Variants in ASIC2 observed in about 807,000 individuals in gnomAD.
ASIC2 encodes acid sensing ion channel subunit 2.
A neutral mutation model predicts 57.3 loss-of-function variants in ASIC2; 25 were observed. The observed-to-expected ratio is 0.44, with a 90% CI of 0.32 to 0.61. The LOEUF is 0.61. Among genes scored for constraint, ASIC2 ranks in the 20% least tolerant of loss-of-function variants. The probability of loss-of-function intolerance (pLI) is 0.06; values close to 1 mark genes in which losing one functional copy is unlikely to be tolerated. For synonymous variants in ASIC2, 319 were observed against 307.5 expected (o/e 1.04, Z -0.39); for missense variants, 641 against 738.1 (o/e 0.87, Z 1.52).
At chr17:33,420,316 G>A (rs941262263) in intron 1 of ASIC2, among the ~76,000 whole-genome samples, 12 of 152,232 alleles carry the variant, frequency 7.9e-5, no homozygotes, top group African/African-American at 2.9e-4. Context: ...TGTGCATGCA[G>A]TTATTCTACA....
rs1021395264 is a variant in ASIC2 at position 33,416,894 on chromosome 17, T to A, written c.556-304827A>T. On this transcript the variant is annotated intron_variant, in intron 1 of 9. Coordinates refer to the ASIC2 transcript ENST00000359872. The stretch of plus-strand genomic sequence containing the variant: ...CTCTGTAGAGGCTGGAGATGAAATA[T>A]TTATTTGGGATCTCACCAATATGCC... Among the ~76,000 whole-genome samples the A allele has an allele frequency of 2.0e-5, 3 of 152,270 alleles. No individual in the cohort carries two copies. The South Asian group carries it at 6.2e-4, about 32-fold the overall frequency.
chr17:33,322,556 GATTCATTCATTC>G lies in ASIC2; in HGVS notation c.556-210501_556-210490del, dbSNP rs140918105. Among the ~76,000 whole-genome samples, 12 of 152,220 alleles carry G rather than the reference GATTCATTCATTC, an allele frequency of 7.9e-5. No individual in the cohort carries two copies. The South Asian group carries it at 1.0e-3, about 13-fold the overall frequency. On this transcript the variant is annotated intron_variant, in intron 1 of 9. Transcript: ENST00000359872. Reference sequence around the variant, plus strand: ...CAATAAACTTAACAACCAGTAGAAAGATTCATTCATTCATTCATTCATTCATCCATAATTTTC... The same window carrying G: ...CAATAAACTTAACAACCAGTAGAAAGATTCATTCATTCATCCATAATTTTC...
rs912529543 is a variant in ASIC2 at position 34,072,601 on chromosome 17, C to T, written c.555+83377G>A. On this transcript the variant is annotated intron_variant, in intron 1 of 9. Coordinates refer to the ASIC2 transcript ENST00000359872. ...AATGAAAGTCACCCATAACCCTCTA[C>T]CTAGAGATGAATAAAAGTTGTGTAT... Among the ~76,000 whole-genome samples the T allele has an allele frequency of 2.0e-5, 3 of 152,160 alleles. 1 individual carries two copies. The highest frequency in any genetic ancestry group is 7.2e-5 in the African/African-American group (3 of 41,444).
chr17:33,204,568 T>G (rs1191872120), intron 1 of ASIC2, among the ~76,000 whole-genome samples: 1 of 152,190 alleles, frequency 6.6e-6, no homozygotes, highest in South Asian at 2.1e-4. Flanking sequence ...TCAGATAAAG[T>G]TGACTCTACC....
chr17:33,543,179 T>C (rs983130993), intron 1 of ASIC2, among the ~76,000 whole-genome samples: 2 of 149,780 alleles, frequency 1.3e-5, no homozygotes, highest in African/African-American at 5.0e-5. Flanking sequence ...GAGATATACC[T>C]AATGCTAGAT....
chr17:33,389,268 A>G (rs1909806656), intron 1 of ASIC2, among the ~76,000 whole-genome samples: 1 of 151,862 alleles, frequency 6.6e-6, no homozygotes, highest in Non-Finnish European at 1.5e-5. Context: ...GCTCTCTCCC[A>G]CTCTTAACTG....
intron 1 of ASIC2, among the ~76,000 whole-genome samples, chr17:33,935,178 C>T (rs1597937437): frequency 1.3e-5 from 2 of 152,234 alleles, no homozygotes; most frequent in Non-Finnish European, 2.9e-5. Flanking sequence ...CCCCCTACAT[C>T]TGGAACACCC....
intron 1 of ASIC2, among the ~76,000 whole-genome samples, chr17:33,833,455 A>G (rs1913177274): frequency 6.6e-6 from 1 of 152,120 alleles, no homozygotes; most frequent in Admixed American, 6.6e-5. Context: ...GGGAGCAGAT[A>G]GTATACGCTG....
intron 1 of ASIC2, among the ~76,000 whole-genome samples, chr17:34,110,616 G>A (rs528083046): frequency 1.3e-5 from 2 of 152,188 alleles, no homozygotes; most frequent in Non-Finnish European, 2.9e-5. Context: ...AGAGGATCTT[G>A]TTAAGCCTTC....
intron 1 of ASIC2, among the ~76,000 whole-genome samples, chr17:33,503,182 G>A (rs1456191593): frequency 1.3e-5 from 2 of 152,170 alleles, no homozygotes; most frequent in Non-Finnish European, 2.9e-5. Context: ...CACATGGAAC[G>A]GCGTTGGAGA....
In ASIC2 at chr17:33,017,661, A is replaced by T; in HGVS notation, c.1465T>A (p.Leu489Met). 7 of 1,613,588 alleles carry T rather than the reference A, an allele frequency of 4.3e-6. No homozygotes were observed. The South Asian group carries it at 7.7e-5, about 18-fold the overall frequency. ...GTAAGGATACTAGCACCAATGAACAATCCCATCTGACCACCAATATCACCT... is the reference window on the plus strand; with the variant it reads ...GTAAGGATACTAGCACCAATGAACATTCCCATCTGACCACCAATATCACCT... ...LLGDIGGQMG[L>M]FIGASILTIL... The change falls in exon 8 of 10, where the codon TTG becomes ATG. Residue 489 changes from leucine to methionine, a missense_variant. Leu to Met is a conservative substitution (Grantham distance 15). Coordinates refer to ENST00000225823, the MANE Select transcript of ASIC2 (RefSeq NM_183377.2).
intron 1 of ASIC2, among the ~76,000 whole-genome samples, chr17:33,156,371 C>G (rs1905003145): frequency 6.6e-6 from 1 of 151,944 alleles, no homozygotes; most frequent in Non-Finnish European, 1.5e-5. Context: ...TGTAATCCAC[C>G]CACCTTGGCC....
chr17:33,341,580 C>T (rs181730731), intron 1 of ASIC2, among the ~76,000 whole-genome samples: 2 of 152,276 alleles, frequency 1.3e-5, no homozygotes, highest in East Asian at 1.9e-4. Flanking sequence ...TATCTAGTCC[C>T]TTACAAAAAC....
rs543617653 is a variant in ASIC2, at chr17:33,690,176, A to T, written c.555+465802T>A. 4.0e-4 allele frequency among the ~76,000 whole-genome samples: 61 copies of T among 152,340 alleles called. No individual in the cohort carries two copies. The Middle Eastern group carries it at 0.01, about 25-fold the overall frequency. On this transcript the variant is annotated intron_variant, in intron 1 of 9. Transcript: ENST00000359872. ...AATTCTATTATAGAAATCTCTTCAT[A>T]TCAATATAGCTTCATTTATCTATTA...
At chr17:33,603,249 G>A (rs1185054629) in intron 1 of ASIC2, among the ~76,000 whole-genome samples, 2 of 152,234 alleles carry the variant, frequency 1.3e-5, no homozygotes, top group African/African-American at 2.4e-5. Flanking sequence ...GGTGGTGGGA[G>A]TGGTGGGGGT....
At chr17:33,699,869 G>A (rs969534202) in intron 1 of ASIC2, among the ~76,000 whole-genome samples, 2 of 152,188 alleles carry the variant, frequency 1.3e-5, no homozygotes, top group Non-Finnish European at 2.9e-5. Flanking sequence ...TGAACTTACA[G>A]CATGAGAGGA....
At chr17:33,807,801 G>T (rs185176744) in intron 1 of ASIC2, among the ~76,000 whole-genome samples, 13 of 152,260 alleles carry the variant, frequency 8.5e-5, no homozygotes, top group Admixed American at 7.8e-4. Flanking sequence ...ATATGATGTG[G>T]AGCATATTTT....
chr17:33,444,654 A>G lies in ASIC2; in HGVS notation c.556-332587T>C, dbSNP rs112580289. On this transcript the variant is annotated intron_variant, in intron 1 of 9. Transcript: ENST00000359872. ...GTGTAGGGATAGGACAGGTTAGGAC[A>G]GGAATGGGACTGCACTGGCCGCAGG... Among the ~76,000 whole-genome samples, 486 of 134,498 alleles carry G rather than the reference A, an allele frequency of 3.6e-3. 1 individual carries two copies. The highest frequency in any genetic ancestry group is 0.013 in the African/African-American group (469 of 37,068). The allele number at this position is 134,498 out of a possible 152,430, so 88.2% of individuals were successfully genotyped here. A position where few individuals can be genotyped will look rare whatever the true frequency, so the allele number is the denominator to read the frequency against.
At chr17:33,226,932 A>T (rs1193245052) in intron 1 of ASIC2, among the ~76,000 whole-genome samples, 1 of 152,240 alleles carries the variant, frequency 6.6e-6, no homozygotes, top group African/African-American at 2.4e-5. Context: ...AAGTAATGTA[A>T]CTTCGACATG....
Sources: gnomAD v4.1 joint callset for allele counts (sites outside exome capture counted in the v4.1 genomes callset) on GRCh38, gnomAD v4.1.1 for gene constraint, MANE v1.5 for transcripts, NCBI Gene and HGNC (gene_info 2026-07-23, HGNC 2026-07-21) for gene names.